The following DUSP22 variants were observed in gnomAD, a reference collection of about 807,000 sequenced individuals.
DUSP22 encodes the protein dual specificity phosphatase 22, also known as dual specificity protein phosphatase 22.
In DUSP22, 24 loss-of-function variants were observed where a neutral mutation model predicts 24.5. The ratio of observed to expected loss-of-function variants is 0.98; its 90% CI spans 0.71 to 1.38. The LOEUF (loss-of-function observed/expected upper bound fraction) is 1.38. Among genes scored for constraint, DUSP22 ranks in the 40% most tolerant of loss-of-function variants. DUSP22 has a pLI of 0.00. For missense variants in DUSP22, 330 were observed against 269.2 expected (o/e 1.23, Z -1.58); for synonymous variants, 160 against 106.4 (o/e 1.50, Z -3.10).
chr6:313,627 T>C (rs1417081541), intron 3 of DUSP22, among the ~76,000 whole-genome samples: 2 of 152,304 alleles, frequency 1.3e-5, no homozygotes, highest in Non-Finnish European at 1.5e-5. Flanking sequence ...GGACAGCTTT[T>C]ACTTGGAGAC....
At chr6:310,091 G>T (rs1379882593) in intron 2 of DUSP22, among the ~76,000 whole-genome samples, 1 of 152,296 alleles carries the variant, frequency 6.6e-6, no homozygotes, top group Non-Finnish European at 1.5e-5. Flanking sequence ...CTCCTGAGTA[G>T]TGGGGTTTAC....
intron 3 of DUSP22, among the ~76,000 whole-genome samples, chr6:332,005 T>C: frequency 6.6e-6 from 1 of 152,428 alleles, no homozygotes; most frequent in South Asian, 2.1e-4. Context: ...AGCTCTCGTT[T>C]CGTGGTCACT....
chr6:345,988 C>G (rs1759851975), intron 5 of DUSP22, 60 bp downstream of exon 5: 2 of 1,598,828 alleles, frequency 1.3e-6, no homozygotes, highest in Non-Finnish European at 1.7e-6. Flanking sequence ...GGCTTCCCAT[C>G]AAGTGTTTTT....
chr6:341,893 G>T (rs1234470854), intron 4 of DUSP22, among the ~76,000 whole-genome samples: 5 of 152,308 alleles, frequency 3.3e-5, no homozygotes, highest in Non-Finnish European at 7.3e-5. Flanking sequence ...ATGGTGCCAG[G>T]CTGAGCACAC....
intron 2 of DUSP22, among the ~76,000 whole-genome samples, chr6:310,358 C>G (rs980728041): frequency 2.6e-5 from 4 of 152,292 alleles, no homozygotes; most frequent in Non-Finnish European, 5.9e-5. Context: ...TCATTTCCTG[C>G]TGGCCCCCTG....
At chr6:315,322 A>C (rs1156698958) in intron 3 of DUSP22, among the ~76,000 whole-genome samples, 1 of 152,302 alleles carries the variant, frequency 6.6e-6, no homozygotes, top group African/African-American at 2.4e-5. Flanking sequence ...AATCCCAGCT[A>C]AACAGGGTCT....
At chr6:317,678 A>G (rs1211344921) in intron 3 of DUSP22, among the ~76,000 whole-genome samples, 1 of 152,308 alleles carries the variant, frequency 6.6e-6, no homozygotes, top group Non-Finnish European at 1.5e-5. Context: ...GTAAGTGTTC[A>G]TGGCCCACAT....
intron 3 of DUSP22, among the ~76,000 whole-genome samples, chr6:326,959 C>T (rs2127407524): frequency 6.6e-6 from 1 of 152,426 alleles, no homozygotes; most frequent in South Asian, 2.1e-4. Context: ...TAGACCGAGG[C>T]TTGGCACGCT....
At chr6:318,473 AG>A in intron 3 of DUSP22, among the ~76,000 whole-genome samples, 1 of 152,306 alleles carries the variant, frequency 6.6e-6, no homozygotes, top group Non-Finnish European at 1.5e-5. Context: ...GCTGACATGC[AG>A]GCCATCACCT....
intron 4 of DUSP22, among the ~76,000 whole-genome samples, chr6:341,675 A>G (rs1474711082): frequency 2.0e-5 from 3 of 152,306 alleles, no homozygotes; most frequent in South Asian, 2.1e-4. Flanking sequence ...GAATGGCCCT[A>G]TCATGATGCC....
chr6:305,016 G>T (rs1436206723), intron 2 of DUSP22, among the ~76,000 whole-genome samples: 1 of 152,300 alleles, frequency 6.6e-6, no homozygotes, highest in East Asian at 1.9e-4. Flanking sequence ...TGCGGCGTGT[G>T]TCAGAATGGC....
At chr6:324,836 T>A (rs549180090) in intron 3 of DUSP22, among the ~76,000 whole-genome samples, 2 of 152,308 alleles carry the variant, frequency 1.3e-5, no homozygotes, top group Non-Finnish European at 2.9e-5. Context: ...GTAACCCATC[T>A]GCAGCTGAGG....
At chr6:322,332 T>G (rs1758635106) in intron 3 of DUSP22, among the ~76,000 whole-genome samples, 1 of 152,302 alleles carries the variant, frequency 6.6e-6, no homozygotes. Flanking sequence ...ACACACATCT[T>G]TGTTACTCCT....
intron 4 of DUSP22, among the ~76,000 whole-genome samples, chr6:337,377 C>G (rs1759402554): frequency 1.3e-5 from 2 of 152,302 alleles, no homozygotes; most frequent in African/African-American, 2.4e-5. Context: ...AAAACTGAGT[C>G]TGTTTTCACT....
rs1180312413 is a variant in DUSP22, at chr6:349,216, T to A, written c.*265T>A. ...ACTGCTCTGTGCACGTGCGTGTGTG[T>A]GAGTGCACTTGTGTGTGGGTGACTA... On this transcript the variant is annotated 3_prime_UTR_variant, in exon 7 of 7. Coordinates refer to ENST00000419235, the MANE Select transcript of DUSP22 (RefSeq NM_001286555.3). The A allele has an allele frequency of 7.2e-7, 1 of 1,390,292 alleles. No individual in the cohort carries two copies. Among genetic ancestry groups the A allele is most frequent in the Non-Finnish European group, 9.3e-7 (1 of 1,072,346 alleles). 86.1% of individuals were successfully genotyped at this position (1,390,292 alleles called of 1,614,324 possible).
rs536216716 is a variant in DUSP22, at chr6:298,434, T to C, written c.21+5874T>C. 1.1e-4 allele frequency among the ~76,000 whole-genome samples: 17 copies of C among 152,420 alleles called. No homozygotes were observed. The South Asian group carries it at 3.3e-3, about 30-fold the overall frequency. On this transcript the variant is annotated intron_variant, in intron 1 of 6. Coordinates refer to ENST00000419235, the MANE Select transcript of DUSP22 (RefSeq NM_001286555.3). ...TTGGGCAGCTGCTTGCTCAGGAGTT[T>C]ACTTCTCAGCATCAGTTTGGGTGGG...
intron 4 of DUSP22, among the ~76,000 whole-genome samples, chr6:340,474 G>T (rs1425727979): frequency 6.6e-6 from 1 of 152,304 alleles, no homozygotes; most frequent in Admixed American, 6.5e-5. Flanking sequence ...ACCTTCCAGA[G>T]CCTGGACCCA....
intron 2 of DUSP22, among the ~76,000 whole-genome samples, chr6:310,208 G>A (rs1045154115): frequency 9.8e-5 from 15 of 152,292 alleles, no homozygotes; most frequent in East Asian, 1.9e-4. Context: ...TGATTGGCCC[G>A]TCGCGGCCTC....
intron 3 of DUSP22, among the ~76,000 whole-genome samples, chr6:313,645 TGTA>T (rs1357777586): frequency 6.6e-6 from 1 of 152,308 alleles, no homozygotes; most frequent in African/African-American, 2.4e-5. Flanking sequence ...GACACCCTAT[TGTA>T]GTCTCCGGGT....
Sources: gnomAD v4.1 joint callset for allele counts (sites outside exome capture counted in the v4.1 genomes callset) on GRCh38, gnomAD v4.1.1 for gene constraint, MANE v1.5 for transcripts, NCBI Gene and HGNC (gene_info 2026-07-23, HGNC 2026-07-21) for gene names.